FOXP1: variants seen among roughly 807,000 people sequenced by gnomAD.
The protein encoded by FOXP1 is forkhead box P1.
In FOXP1, 15 loss-of-function variants were observed where a neutral mutation model predicts 98.2. That is an observed-to-expected ratio of 0.15 (90% CI 0.10 to 0.24). The LOEUF is 0.24. FOXP1 is among the 10% of genes least tolerant of loss of function. The pLI is 1.00. For synonymous variants in FOXP1, 371 were observed against 314.5 expected (o/e 1.18, Z -1.90); for missense variants, 633 against 848.5 (o/e 0.75, Z 3.15).
At chr3:71,434,632 G>T (rs796889537) in intron 3 of FOXP1, among the ~76,000 whole-genome samples, 1 of 16,626 alleles carries the variant, frequency 6.0e-5, no homozygotes, top group Admixed American at 4.0e-4. Context: ...AGGGGATGGG[G>T]TGTGTGTGTG....
In FOXP1 at chr3:71,306,556, TAC is replaced by T. The variant is rs145561041; in HGVS notation, c.-72-6678_-72-6677del. 7.5e-3 allele frequency among the ~76,000 whole-genome samples: 1,024 copies of T among 137,442 alleles called. 17 individuals carry two copies. The highest frequency in any genetic ancestry group is 0.027 in the African/African-American group (975 of 35,986). 90.2% of individuals were successfully genotyped at this position (137,442 alleles called of 152,430 possible). ...TATAAAGTGTACATATAAAAATATA[TAC>T]ACACACATATATATATGTGCATATA... On this transcript the variant is annotated intron_variant, in intron 4 of 20. Coordinates refer to ENST00000649528, the MANE Select transcript of FOXP1 (RefSeq NM_001349338.3).
chr3:71,358,234 C>T (rs908868776), intron 4 of FOXP1, among the ~76,000 whole-genome samples: 1 of 152,186 alleles, frequency 6.6e-6, no homozygotes, highest in Admixed American at 6.5e-5. Flanking sequence ...TCTTCATTGG[C>T]ATTTGATCTT....
chr3:71,269,743 T>C (rs1033571781), intron 5 of FOXP1, among the ~76,000 whole-genome samples: 1 of 152,202 alleles, frequency 6.6e-6, no homozygotes, highest in Admixed American at 6.5e-5. Context: ...CACTTGATAA[T>C]TTGATATTTT....
intron 5 of FOXP1, chr3:71,292,442 C>G (rs1367126852): frequency 6.6e-6 from 1 of 152,148 alleles, no homozygotes; most frequent in African/African-American, 2.4e-5. Flanking sequence ...TCAAGCAATT[C>G]TCTCACCTCA....
intron 5 of FOXP1, among the ~76,000 whole-genome samples, chr3:71,215,377 T>C (rs73839445): frequency 3.5e-3 from 533 of 152,312 alleles, no homozygotes; most frequent in African/African-American, 0.012. Flanking sequence ...ATGAAGGTGA[T>C]TGTCTAATCA....
chr3:71,148,915 G>C (rs149811446), intron 6 of FOXP1, among the ~76,000 whole-genome samples: 346 of 152,294 alleles, frequency 2.3e-3, no homozygotes, highest in African/African-American at 7.6e-3. Context: ...ATTGCTACAT[G>C]AGTTCAAAAA....
At chr3:71,468,982 C>T (rs1298182892) in intron 3 of FOXP1, among the ~76,000 whole-genome samples, 2 of 152,144 alleles carry the variant, frequency 1.3e-5, no homozygotes, top group African/African-American at 4.8e-5. Context: ...ATGTTTGAGG[C>T]CTGTCGAATA....
intron 13 of FOXP1, among the ~76,000 whole-genome samples, chr3:70,994,625 C>G (rs911547623): frequency 6.6e-6 from 1 of 152,170 alleles, no homozygotes; most frequent in East Asian, 1.9e-4. Flanking sequence ...GGCCACACCA[C>G]CTTACTATCT....
chr3:71,356,649 G>T lies in FOXP1; in HGVS notation c.-73+2501C>A, dbSNP rs545457173. 2.6e-5 allele frequency among the ~76,000 whole-genome samples: 4 copies of T among 152,260 alleles called. No homozygotes were observed. In the East Asian group the frequency reaches 7.7e-4, roughly 29 times the overall value. The stretch of plus-strand genomic sequence containing the variant: ...TTTATCCCCTTTTCCAGATAAGGAG[G>T]CCGTGGCACAGAAAGGTTAAGTAAC... On this transcript the variant is annotated intron_variant, in intron 4 of 20. Transcript: ENST00000649528.
chr3:71,557,743 A>G (rs2046243995), intron 2 of FOXP1, among the ~76,000 whole-genome samples: 1 of 152,252 alleles, frequency 6.6e-6, no homozygotes, highest in Non-Finnish European at 1.5e-5. Flanking sequence ...TACATGCCAC[A>G]TTAGGAGAGA....
Position 71,028,577 on chromosome 3 carries a change from A to G in FOXP1, c.869+12751T>C, listed in dbSNP as rs1403619032. 3.9e-5 allele frequency among the ~76,000 whole-genome samples: 6 copies of G among 152,358 alleles called. No homozygotes were observed. In the East Asian group the frequency reaches 1.2e-3, roughly 29 times the overall value. ...ACAACAGCTAACCAGGTTCTCTTAC[A>G]GAAGTGCTCGCCAACCTTTTTGGCA... On this transcript the variant is annotated intron_variant, in intron 11 of 20. Transcript: ENST00000649528.
At chr3:71,281,329 ACT>A (rs1005220535) in intron 5 of FOXP1, among the ~76,000 whole-genome samples, 42 of 151,966 alleles carry the variant, frequency 2.8e-4, no homozygotes, top group African/African-American at 9.2e-4. Flanking sequence ...GCACACACTC[ACT>A]CTCTCTTTCT....
At chr3:70,982,090 G>A (rs1487969207) in intron 14 of FOXP1, among the ~76,000 whole-genome samples, 2 of 152,166 alleles carry the variant, frequency 1.3e-5, no homozygotes, top group Non-Finnish European at 2.9e-5. Flanking sequence ...AAAGAATGGA[G>A]AAGAAAGACT....
intron 14 of FOXP1, among the ~76,000 whole-genome samples, chr3:70,982,733 A>ATGT: frequency 1.3e-5 from 2 of 151,956 alleles, no homozygotes; most frequent in South Asian, 4.2e-4. Context: ...TTAGTTTTTA[A>ATGT]CAGTAATCTC....
chr3:71,303,268 T>C (rs1231553941), intron 4 of FOXP1, among the ~76,000 whole-genome samples: 1 of 152,192 alleles, frequency 6.6e-6, no homozygotes, highest in Non-Finnish European at 1.5e-5. Context: ...CATCTCAATC[T>C]TCAGCCTACC....
At chr3:71,396,963 TGTGTG>T (rs1560424384) in intron 3 of FOXP1, among the ~76,000 whole-genome samples, 346 of 21,946 alleles carry the variant, frequency 0.016, 13 homozygotes, top group Non-Finnish European at 0.036. Context: ...TATATATATA[TGTGTG>T]TATATATATA....
At chr3:71,405,108 T>G (rs538676948) in intron 3 of FOXP1, among the ~76,000 whole-genome samples, 61 of 152,294 alleles carry the variant, frequency 4.0e-4, no homozygotes, top group African/African-American at 1.4e-3. Context: ...AGCCTTTACG[T>G]GGAGGTCTCC....
intron 5 of FOXP1, among the ~76,000 whole-genome samples, chr3:71,218,421 G>T (rs962251609): frequency 6.6e-6 from 1 of 152,098 alleles, no homozygotes; most frequent in African/African-American, 2.4e-5. Context: ...TTGCCTCCAG[G>T]TTGTCCTCCT....
rs77068223 is a variant in FOXP1, at chr3:71,212,694, G to T, written c.-11-14302C>A. On this transcript the variant is annotated intron_variant, in intron 5 of 20. Transcript: ENST00000649528. ...AAGCATATCATTCAAATGCTTTATT[G>T]GTCAAAAAGATGAATGCTTTTATTA... is the stretch of plus-strand genomic sequence containing the variant. 8.4e-3 allele frequency among the ~76,000 whole-genome samples: 1,282 copies of T among 152,178 alleles called. 7 individuals are homozygous for T. Among genetic ancestry groups the T allele is most frequent in the Non-Finnish European group, 0.014 (964 of 67,996 alleles).
Sources: gnomAD v4.1 joint callset for allele counts (sites outside exome capture counted in the v4.1 genomes callset) on GRCh38, gnomAD v4.1.1 for gene constraint, MANE v1.5 for transcripts, NCBI Gene and HGNC (gene_info 2026-07-23, HGNC 2026-07-21) for gene names.